MTA1: variants seen among roughly 807,000 people sequenced by gnomAD.
MTA1 encodes metastasis-associated protein MTA1.
In MTA1, 15 loss-of-function variants were observed where a neutral mutation model predicts 97.0. The observed-to-expected ratio is 0.15, with a 90% CI of 0.10 to 0.24. The LOEUF is 0.24. Among genes scored for constraint, MTA1 ranks in the 10% least tolerant of loss-of-function variants. The pLI is 1.00. For synonymous variants in MTA1, 435 were observed against 417.5 expected (o/e 1.04, Z -0.51); for missense variants, 709 against 1,015.1 (o/e 0.70, Z 4.10).
At chr14:105,465,304 C>T (rs2083525927) in intron 16 of MTA1, 121 bp downstream of exon 16, 1 of 838,986 alleles carries the variant, frequency 1.2e-6, no homozygotes, top group East Asian at 2.9e-5. Flanking sequence ...CCCCCCAGGG[C>T]CTGGAACTGT....
Position 105,465,087 on chromosome 14 carries a change from C to T in MTA1, c.1535-7C>T. 5 of 1,507,994 alleles carry T rather than the reference C, an allele frequency of 3.3e-6. No homozygotes were observed. Among genetic ancestry groups the T allele is most frequent in the Non-Finnish European group, 3.6e-6 (4 of 1,122,616 alleles). 93.4% of individuals were successfully genotyped at this position (1,507,994 alleles called of 1,614,324 possible). ...CCCCACCCCTCACACCGTGTGGTAC[C>T]CCGCAGGCACGGCGCGGCTGCCCGA... On this transcript the variant is annotated splice_region_variant and splice_polypyrimidine_tract_variant and intron_variant, in intron 15 of 20. Transcript: ENST00000331320.
intron 1 of MTA1, among the ~76,000 whole-genome samples, chr14:105,436,396 A>C (rs2082325042): frequency 6.6e-6 from 1 of 152,208 alleles, no homozygotes; most frequent in Non-Finnish European, 1.5e-5. Flanking sequence ...ATTAAGGCAT[A>C]ATTTACATTC....
intron 6 of MTA1, 93 bp from the exon 7 acceptor site, chr14:105,454,100 C>T: frequency 1.1e-6 from 1 of 927,336 alleles, no homozygotes; most frequent in East Asian, 2.6e-5. Flanking sequence ...CTGGGCAAGA[C>T]CCTCCCAGCA....
At chr14:105,441,334 G>C in intron 2 of MTA1, among the ~76,000 whole-genome samples, 1 of 152,222 alleles carries the variant, frequency 6.6e-6, no homozygotes. Flanking sequence ...AGACCCAGCT[G>C]CTGGCATCGG....
intron 17 of MTA1, 21 bp downstream of exon 17, chr14:105,466,599 G>A: frequency 6.4e-7 from 1 of 1,568,552 alleles, no homozygotes; most frequent in Non-Finnish European, 8.6e-7. Flanking sequence ...CCCCCGCCCG[G>A]TGAGTGTGGC....
chr14:105,450,597 C>T (rs2082888453), intron 6 of MTA1, among the ~76,000 whole-genome samples: 1 of 152,172 alleles, frequency 6.6e-6, no homozygotes, highest in Non-Finnish European at 1.5e-5. Flanking sequence ...GAGGGGAGGT[C>T]CCCCTGGGGA....
intron 3 of MTA1, chr14:105,449,084 G>C (rs1449465102): frequency 2.3e-6 from 1 of 442,026 alleles, no homozygotes. Context: ...TGGAGTGGGG[G>C]CAGGGGTGGC....
chr14:105,463,746 C>T lies in MTA1; in HGVS notation c.1076+195C>T. The T allele has an allele frequency of 1.6e-6, 1 of 628,934 alleles. No homozygotes were observed. The highest frequency in any genetic ancestry group is 2.7e-5 in the East Asian group (1 of 36,522). The allele number at this position is 628,934 out of a possible 1,614,324, so 39.0% of individuals were successfully genotyped here. On this transcript the variant is annotated intron_variant, in intron 12 of 20. Coordinates refer to ENST00000331320, the MANE Select transcript of MTA1 (RefSeq NM_004689.4). This position sits in a 1 kb window ranked among gnomAD's most constrained non-coding sequence, Gnocchi z 5.9. Reference sequence around the variant, plus strand: ...AGTGGCCATGTCTCTGTCGTCCTGGCCTCCTGGTCAGTAAGGGGGCATTGG... The same window carrying T: ...AGTGGCCATGTCTCTGTCGTCCTGGTCTCCTGGTCAGTAAGGGGGCATTGG...
At position 105,470,368 on chromosome 14, in the gene MTA1, G is replaced by A. The variant is rs1260955084; in HGVS notation, c.*153G>A. The A allele has an allele frequency of 2.2e-5, 13 of 602,934 alleles. No homozygotes were observed. The highest frequency in any genetic ancestry group is 4.2e-5 in the Admixed American group (1 of 23,820). The allele number at this position is 602,934 out of a possible 1,614,324, so 37.3% of individuals were successfully genotyped here. On this transcript the variant is annotated 3_prime_UTR_variant, in exon 21 of 21. Transcript: ENST00000331320. Reference sequence around the variant, plus strand: ...CTCCTTGGCGGACACTGGGGGAGGAGAGGAAGAAGCGCGGCTAACTTATTC... The same window carrying A: ...CTCCTTGGCGGACACTGGGGGAGGAAAGGAAGAAGCGCGGCTAACTTATTC...
intron 1 of MTA1, among the ~76,000 whole-genome samples, chr14:105,425,501 C>T (rs1284053512): frequency 2.0e-5 from 3 of 152,146 alleles, no homozygotes; most frequent in Admixed American, 6.5e-5. Flanking sequence ...GTCTCGAACT[C>T]CCGTCCTCAA....
In MTA1 at chr14:105,460,389, T is replaced by C; in HGVS notation, c.685T>C (p.Cys229Arg). 6.2e-7 allele frequency: 1 copy of C among 1,611,734 alleles called. No homozygotes were observed. The highest frequency in any genetic ancestry group is 8.5e-7 in the Non-Finnish European group (1 of 1,179,402). The change falls in exon 9 of 21, where the codon TGC (cysteine) becomes CGC (arginine). Residue 229 changes from cysteine to arginine, a missense_variant. Transcript: ENST00000331320. ...GGGCACCTTCGCACGGGCCCTGGAC[T>C]GCAGCAGCTCCGTCCGACAGCCCAG... is the stretch of plus-strand genomic sequence containing the variant. Reference protein sequence around the residue: ...SVGTFARALDCSSSVRQPSLH... With the variant: ...SVGTFARALDRSSSVRQPSLH...
intron 10 of MTA1, among the ~76,000 whole-genome samples, chr14:105,461,931 T>A (rs1411186472): frequency 6.6e-6 from 1 of 152,138 alleles, no homozygotes; most frequent in Non-Finnish European, 1.5e-5. Context: ...GAGCAGAACA[T>A]GTTCAGACAA....
intron 1 of MTA1, among the ~76,000 whole-genome samples, chr14:105,428,123 C>T (rs587627463): frequency 2.0e-5 from 3 of 151,656 alleles, no homozygotes; most frequent in Non-Finnish European, 2.9e-5. Context: ...GCTGTGTGGT[C>T]GCTGCAGCTC....
At chr14:105,440,061 C>T (rs2141487085) in intron 2 of MTA1, among the ~76,000 whole-genome samples, 1 of 152,314 alleles carries the variant, frequency 6.6e-6, no homozygotes, top group African/African-American at 2.4e-5. Flanking sequence ...ACATCTGCTC[C>T]CCCGCAGCTT....
chr14:105,453,249 C>T (rs1353873389), intron 6 of MTA1, among the ~76,000 whole-genome samples: 7 of 152,282 alleles, frequency 4.6e-5, no homozygotes, highest in Admixed American at 6.5e-5. Flanking sequence ...TGCTCCGTAG[C>T]GCTCCAGCGG....
intron 1 of MTA1, among the ~76,000 whole-genome samples, chr14:105,428,422 C>T (rs2082076447): frequency 6.6e-6 from 1 of 152,058 alleles, no homozygotes; most frequent in Non-Finnish European, 1.5e-5. Context: ...TCCTGAACAG[C>T]CGGGACCACA....
At chr14:105,440,839 C>A (rs1407918776) in intron 2 of MTA1, among the ~76,000 whole-genome samples, 1 of 152,262 alleles carries the variant, frequency 6.6e-6, no homozygotes, top group Non-Finnish European at 1.5e-5. Context: ...GAGCTCCAGG[C>A]GGGGCTTCCA....
chr14:105,434,017 A>G (rs1469559368), intron 1 of MTA1, among the ~76,000 whole-genome samples: 1 of 152,130 alleles, frequency 6.6e-6, no homozygotes, highest in Non-Finnish European at 1.5e-5. Context: ...CAGTAGAGAC[A>G]GGCTTTCACC....
Position 105,454,259 on chromosome 14 carries a change from A to C in MTA1, c.499A>C (p.Ile167Leu). The C allele has an allele frequency of 6.2e-7, 1 of 1,613,772 alleles. No homozygotes were observed. The highest frequency in any genetic ancestry group is 8.5e-7 in the Non-Finnish European group (1 of 1,179,780). ...QKTLLADKGE[I>L]RVGNRYQADI... ...GACCCTGCTGGCAGATAAAGGAGAG[A>C]TTCGAGTAGGAAACCGGTACCAGGC... The change falls in exon 7 of 21, where the codon ATT (isoleucine) becomes CTT (leucine). Residue 167 changes from isoleucine (I) to leucine (L), a missense_variant. Coordinates refer to ENST00000331320, the MANE Select transcript of MTA1 (RefSeq NM_004689.4).
Sources: allele counts gnomAD v4.1 joint callset (sites outside exome capture counted in the v4.1 genomes callset), GRCh38; gene constraint gnomAD v4.1.1; non-coding constraint Gnocchi (gnomAD v3.1); transcripts MANE v1.5; gene names NCBI Gene and HGNC (gene_info 2026-07-23, HGNC 2026-07-21).